Variants in KHDC1 observed in about 807,000 individuals in gnomAD.
KHDC1 encodes the protein KH homology domain-containing protein 1.
KHDC1 carries 21 observed loss-of-function variants against 24.7 expected under a neutral mutation model. The ratio of observed to expected loss-of-function variants is 0.85; its 90% CI spans 0.60 to 1.23. The LOEUF is 1.23. KHDC1 is among the 50% of genes most tolerant of loss of function. The pLI is 0.00. For synonymous variants in KHDC1, 98 were observed against 111.7 expected, an observed-to-expected ratio of 0.88 and a Z score of 0.77; for missense variants, 274 against 298.5, an observed-to-expected ratio of 0.92 and a Z score of 0.61.
At chr6:73,281,718 A>G (rs996990089) in intron 2 of KHDC1, among the ~76,000 whole-genome samples, 3 of 151,812 alleles carry the variant, frequency 2.0e-5, no homozygotes, top group Admixed American at 1.3e-4. Flanking sequence ...TATTATTAAC[A>G]TCTTATATTA....
intron 2 of KHDC1, among the ~76,000 whole-genome samples, chr6:73,283,580 T>C (rs988448431): frequency 1.3e-5 from 2 of 151,754 alleles, no homozygotes; most frequent in African/African-American, 4.8e-5. Context: ...TTTTGTTTCT[T>C]TAGGATCATT....
At chr6:73,242,077 C>A in exon 4 of KHDC1, 1 of 1,613,370 alleles carries the variant, frequency 6.2e-7, no homozygotes, top group South Asian at 1.1e-5. Flanking sequence ...GATAGGAGTC[C>A]TGGCTCCCCA....
intron 2 of KHDC1, among the ~76,000 whole-genome samples, chr6:73,285,640 C>CT (rs67918543): frequency 3.3e-4 from 46 of 140,282 alleles, no homozygotes; most frequent in East Asian, 1.7e-3. Context: ...GGCCCATTTT[C>CT]TTTTTTTTCT....
At chr6:73,293,414 T>C in intron 1 of KHDC1, 1 of 362,336 alleles carries the variant, frequency 2.8e-6, no homozygotes, top group Non-Finnish European at 5.2e-6. Context: ...AATTGACTGA[T>C]TCAAAAAAAT....
intron 2 of KHDC1, among the ~76,000 whole-genome samples, chr6:73,281,536 G>A (rs975269411): frequency 6.7e-6 from 1 of 150,266 alleles, no homozygotes; most frequent in Admixed American, 6.7e-5. Flanking sequence ...AGAATCGCTT[G>A]AACCCAGGAG....
chr6:73,267,340 G>A (rs1418390220), intron 2 of KHDC1, among the ~76,000 whole-genome samples: 1 of 152,076 alleles, frequency 6.6e-6, no homozygotes, highest in African/African-American at 2.4e-5. Context: ...AAAATTAGCT[G>A]GTTGTGGTGG....
chr6:73,255,312 T>A (rs1582556576), intron 2 of KHDC1, among the ~76,000 whole-genome samples: 1 of 147,728 alleles, frequency 6.8e-6, no homozygotes, highest in East Asian at 2.1e-4. Flanking sequence ...CTCTGCCTCC[T>A]AGGTTCAAGC....
intron 2 of KHDC1, among the ~76,000 whole-genome samples, chr6:73,266,143 G>A (rs1314056101): frequency 6.6e-6 from 1 of 152,178 alleles, no homozygotes; most frequent in Admixed American, 6.5e-5. Context: ...GAGTGGATGA[G>A]GATCTGTCTT....
chr6:73,292,738 G>C (rs920893867), intron 1 of KHDC1: 1 of 738,956 alleles, frequency 1.4e-6, no homozygotes, highest in African/African-American at 1.7e-5. Flanking sequence ...TAGCAAACAA[G>C]GATGTTCGAA....
At chr6:73,276,970 G>T (rs960632836) in intron 2 of KHDC1, among the ~76,000 whole-genome samples, 2 of 152,178 alleles carry the variant, frequency 1.3e-5, no homozygotes, top group African/African-American at 4.8e-5. Context: ...AATTACAAAA[G>T]GTTGGTTCAG....
At chr6:73,276,111 G>GA (rs1427860384) in intron 2 of KHDC1, 1 of 152,364 alleles carries the variant, frequency 6.6e-6, no homozygotes, top group Non-Finnish European at 1.5e-5. Context: ...AGAATTGCTT[G>GA]AACCGGGAGG....
At chr6:73,263,038 AGGG>A (rs1227498155) in intron 2 of KHDC1, 19 of 950,150 alleles carry the variant, frequency 2.0e-5, no homozygotes, top group Admixed American at 8.3e-5. Flanking sequence ...CTCCCTGAGT[AGGG>A]CGGCGGCGGC....
At chr6:73,286,269 A>G (rs945258894) in intron 2 of KHDC1, among the ~76,000 whole-genome samples, 3 of 152,152 alleles carry the variant, frequency 2.0e-5, no homozygotes, top group Non-Finnish European at 4.4e-5. Context: ...GAACTCCAAA[A>G]AAGTCTCTAT....
At chr6:73,296,068 G>T (rs1481005637) in intron 1 of KHDC1, among the ~76,000 whole-genome samples, 5 of 148,466 alleles carry the variant, frequency 3.4e-5, no homozygotes. Context: ...CTTGAGCCTG[G>T]GAGGCGGAGG....
intron 2 of KHDC1, among the ~76,000 whole-genome samples, chr6:73,267,398 G>T (rs1767093452): frequency 6.6e-6 from 1 of 152,176 alleles, no homozygotes; most frequent in African/African-American, 2.4e-5. Flanking sequence ...CACGAGAATT[G>T]CTTGAACCTG....
At chr6:73,266,879 G>C (rs1767084221) in intron 2 of KHDC1, among the ~76,000 whole-genome samples, 1 of 152,140 alleles carries the variant, frequency 6.6e-6, no homozygotes, top group Non-Finnish European at 1.5e-5. Flanking sequence ...TTAATATACA[G>C]GATAACAACC....
chr6:73,307,695 G>A (rs1023196848), intron 1 of KHDC1, among the ~76,000 whole-genome samples: 3 of 152,106 alleles, frequency 2.0e-5, no homozygotes, highest in Admixed American at 1.3e-4. Context: ...GGCCCATGAA[G>A]AACCGTGCAA....
intron 2 of KHDC1, among the ~76,000 whole-genome samples, chr6:73,246,280 G>T (rs1766663346): frequency 6.6e-6 from 1 of 152,148 alleles, no homozygotes; most frequent in Non-Finnish European, 1.5e-5. Context: ...TCAGCCACTT[G>T]AGCTGATTTA....
At chr6:73,301,197 G>A (rs1026873575) in intron 1 of KHDC1, 6 of 152,084 alleles carry the variant, frequency 3.9e-5, no homozygotes, top group African/African-American at 1.4e-4. Flanking sequence ...TCCAGCCTGG[G>A]CGACAGAGCG....
Sources: allele counts gnomAD v4.1 joint callset (sites outside exome capture counted in the v4.1 genomes callset), GRCh38; gene constraint gnomAD v4.1.1; transcripts MANE v1.5; gene names NCBI Gene and HGNC (gene_info 2026-07-23, HGNC 2026-07-21).